The following TOP3B variants were observed in gnomAD, a reference collection of about 807,000 sequenced individuals.
TOP3B encodes DNA topoisomerase III beta, also known as DNA topoisomerase 3-beta-1.
A neutral mutation model predicts 93.9 loss-of-function variants in TOP3B; 45 were observed. That is an observed-to-expected ratio of 0.48 (90% CI 0.38 to 0.61). The LOEUF (loss-of-function observed/expected upper bound fraction) is 0.61, where lower values mean the gene tolerates loss of function less well. Among genes scored for constraint, TOP3B ranks in the 20% least tolerant of loss-of-function variants. The probability of loss-of-function intolerance (pLI) is 0.00; values close to 1 mark genes in which losing one functional copy is unlikely to be tolerated. For synonymous variants in TOP3B, 357 were observed against 472.6 expected (o/e 0.76, Z 3.17); for missense variants, 750 against 1,156.1 (o/e 0.65, Z 5.09).
rs540378690 is a variant in TOP3B at position 21,980,084 on chromosome 22, C to T, written c.-99+2646G>A. Among the ~76,000 whole-genome samples the T allele has an allele frequency of 7.2e-5, 11 of 152,042 alleles. No individual in the cohort carries two copies. In the South Asian group the frequency reaches 1.2e-3, roughly 17 times the overall value. On this transcript the variant is annotated intron_variant, in intron 1 of 17. Transcript: ENST00000357179. ...CATGCTAAGAAAGCTGGGCATGTAA[C>T]GGTGTGTAGAGAGCACTGCCATCTG...
chr22:21,958,224 C>G, intron 17 of TOP3B: 3 of 1,334,548 alleles, frequency 2.2e-6, no homozygotes, highest in Non-Finnish European at 2.9e-6. Flanking sequence ...GCTCACTCAG[C>G]TCCAGAGGGA....
In TOP3B at chr22:21,959,161, T is replaced by A; in HGVS notation, c.1876A>T (p.Lys626Ter). Residue 626 changes from lysine to a stop codon, truncating the protein, a stop_gained, in exon 16 of 18, where the codon AAG becomes TAG. Coordinates refer to ENST00000357179, the MANE Select transcript of TOP3B (RefSeq NM_001282112.2). LOFTEE classifies it high-confidence loss of function. ...ATGKPLSRCG[K>*]CHRFMKYIQA... Reference sequence around the variant, plus strand: ...ATGTACTTCATGAAGCGGTGGCACTTCCCACAGCGTGAGAGGGGCTTGCCT... The same window carrying A: ...ATGTACTTCATGAAGCGGTGGCACTACCCACAGCGTGAGAGGGGCTTGCCT... 2 of 1,613,840 alleles carry A rather than the reference T, an allele frequency of 1.2e-6. No individual in the cohort carries two copies. Among genetic ancestry groups the A allele is most frequent in the Non-Finnish European group, 1.7e-6 (2 of 1,179,988 alleles).
intron 1 of TOP3B, among the ~76,000 whole-genome samples, chr22:21,978,059 G>A (rs909058760): frequency 6.6e-6 from 1 of 152,022 alleles, no homozygotes; most frequent in African/African-American, 2.4e-5. Context: ...GTAGAATGTG[G>A]GTCTGCTCTA....
chr22:21,957,949 C>T, intron 17 of TOP3B: 10 of 1,401,606 alleles, frequency 7.1e-6, no homozygotes, highest in Non-Finnish European at 9.4e-6. Flanking sequence ...CTGGCGGCAG[C>T]AGGAGGGCAG....
chr22:21,963,258 A>C lies in TOP3B; in HGVS notation c.1205-365T>G, dbSNP rs1601823005. 4.9e-6 allele frequency: 1 copy of C among 203,908 alleles called. No homozygotes were observed. Among genetic ancestry groups the C allele is most frequent in the Non-Finnish European group, 1.0e-5 (1 of 98,220 alleles). 12.6% of individuals were successfully genotyped at this position (203,908 alleles called of 1,614,324 possible). A position where few individuals can be genotyped will look rare whatever the true frequency, so the allele number is the denominator to read the frequency against. ...GGCTGAGGCAGGGTGAACTGCTTGA[A>C]CCTGGGAGGCAGAGGTTGCAGTGAG... On this transcript the variant is annotated intron_variant, in intron 11 of 17. Coordinates refer to ENST00000357179, the MANE Select transcript of TOP3B (RefSeq NM_001282112.2). This position sits in a 1 kb window ranked among gnomAD's most constrained non-coding sequence, Gnocchi z 4.8.
At chr22:21,974,793 A>G in intron 2 of TOP3B, 1 of 215,006 alleles carries the variant, frequency 4.7e-6, no homozygotes, top group Non-Finnish European at 9.3e-6. Flanking sequence ...CTTCAATTCC[A>G]TTTTTGCCTC....
rs1036421141 is a variant in TOP3B at position 21,959,630 on chromosome 22, G to A, written c.1761C>T (p.Asp587=). 1.9e-5 allele frequency: 30 copies of A among 1,613,622 alleles called. No homozygotes were observed. Among genetic ancestry groups the A allele is most frequent in the African/African-American group, 4.0e-5 (3 of 74,926 alleles). Residue 587 remains aspartate (D), a synonymous_variant, in exon 15 of 18, where the codon GAC becomes GAT. Coordinates refer to ENST00000357179, the MANE Select transcript of TOP3B (RefSeq NM_001282112.2). ...DYRQVLGHTL[D]VFKRKFHYFV... is the part of the protein sequence containing the mutation. Reference sequence around the variant, plus strand: ...AGTAGTGGAACTTCCTCTTGAACACGTCCAGGGTGTGGCCCAGGACCTGGC... The same window carrying A: ...AGTAGTGGAACTTCCTCTTGAACACATCCAGGGTGTGGCCCAGGACCTGGC...
At chr22:21,974,675 A>G in intron 2 of TOP3B, 187 bp from the exon 3 acceptor site, 2 of 597,344 alleles carry the variant, frequency 3.3e-6, no homozygotes, top group Non-Finnish European at 5.8e-6. Flanking sequence ...CAGGGAAAAC[A>G]GCATCTGCCA....
chr22:21,965,719 T>C (rs2071389463), intron 8 of TOP3B: 1 of 161,506 alleles, frequency 6.2e-6, no homozygotes, highest in African/African-American at 2.4e-5. Context: ...ATACAAACAT[T>C]AGCTGGGCAT....
In TOP3B at chr22:21,968,878, G is replaced by GTGGCATCAGGTGGTGT. The variant is rs200497883; in HGVS notation, c.582-119_582-104dup. 2,077 of 1,290,660 alleles carry GTGGCATCAGGTGGTGT rather than the reference G, an allele frequency of 1.6e-3. 34 individuals are homozygous for GTGGCATCAGGTGGTGT. In the African/African-American group the frequency reaches 0.026, roughly 16 times the overall value. The allele number at this position is 1,290,660 out of a possible 1,614,324, so 80.0% of individuals were successfully genotyped here. On this transcript the variant is annotated intron_variant, in intron 6 of 17. Transcript: ENST00000357179. ...AGGCCAGGGGTGGTGCATGAAGGAGGTGGCATCAGGTGGTGTCCCCACTTA... is the reference window on the plus strand; with the variant it reads ...AGGCCAGGGGTGGTGCATGAAGGAGGTGGCATCAGGTGGTGTTGGCATCAGGTGGTGTCCCCACTTA...
chr22:21,958,320 T>C, intron 17 of TOP3B, 172 bp downstream of exon 17: 1 of 1,454,236 alleles, frequency 6.9e-7, no homozygotes, highest in Non-Finnish European at 9.1e-7. Flanking sequence ...CACCACTGGC[T>C]GAGGCCTAAG....
chr22:21,982,277 T>A (rs557075273), intron 1 of TOP3B: 2 of 152,336 alleles, frequency 1.3e-5, no homozygotes, highest in Admixed American at 1.3e-4. Context: ...CATTTACAGA[T>A]AACAGGTCAG....
intron 1 of TOP3B, among the ~76,000 whole-genome samples, chr22:21,979,118 TTTAG>T (rs1411861089): frequency 1.3e-5 from 2 of 151,182 alleles, no homozygotes; most frequent in Non-Finnish European, 3.0e-5. Context: ...AAGCACTGGA[TTTAG>T]TTAGATGGGA....
At chr22:21,976,729 G>C (rs1005555546) in intron 1 of TOP3B, 1 of 152,190 alleles carries the variant, frequency 6.6e-6, no homozygotes, top group Non-Finnish European at 1.5e-5. Context: ...ACAGCTTTCT[G>C]TGCCTGACAC....
At chr22:21,959,916 A>G in intron 14 of TOP3B, 180 bp from the exon 15 acceptor site, 2 of 810,764 alleles carry the variant, frequency 2.5e-6, no homozygotes, top group Non-Finnish European at 3.8e-6. Flanking sequence ...ATGACCCCAG[A>G]CCTTTCCTGA....
chr22:21,971,993 G>A lies in TOP3B; in HGVS notation c.310-42C>T, dbSNP rs747846084. 7.6e-6 allele frequency: 12 copies of A among 1,571,134 alleles called. No homozygotes were observed. The highest frequency in any genetic ancestry group is 5.7e-5 in the South Asian group (5 of 87,612). ...GTTCACACGTACCTGCTGCAGACCCGGTCTGTGCCACCCGCCCCCAGTGCT... is the reference window on the plus strand; with the variant it reads ...GTTCACACGTACCTGCTGCAGACCCAGTCTGTGCCACCCGCCCCCAGTGCT... On this transcript the variant is annotated intron_variant, in intron 4 of 17. Coordinates refer to ENST00000357179, the MANE Select transcript of TOP3B (RefSeq NM_001282112.2). The surrounding 1 kb of genome is among the most constrained non-coding windows in gnomAD (Gnocchi z 4.6).
At chr22:21,975,940 A>G (rs1257932599) in intron 1 of TOP3B, 133 bp from the exon 2 acceptor site, 1 of 490,698 alleles carries the variant, frequency 2.0e-6, no homozygotes, top group Non-Finnish European at 3.1e-6. Context: ...GGAATTAGGG[A>G]AACTTGAAGA....
rs751862936 is a variant in TOP3B, at chr22:21,965,280, C to T, written c.943+5G>A. The T allele has an allele frequency of 2.5e-6, 4 of 1,589,614 alleles. No homozygotes were observed. Among genetic ancestry groups the T allele is most frequent in the African/African-American group, 2.7e-5 (2 of 73,812 alleles). ...TGGTGACTTGAGAGAAATGTCCCTA[C>T]ATACCCAGAGAAGAGCTGGCCACAC... is the stretch of plus-strand genomic sequence containing the variant. On this transcript the variant is annotated splice_donor_5th_base_variant and intron_variant, in intron 9 of 17. Transcript: ENST00000357179.
In TOP3B at chr22:21,974,379, G is replaced by A. The variant is rs114880937; in HGVS notation, c.180C>T (p.His60=). Residue 60 remains histidine (H), a synonymous_variant, in exon 3 of 18, where the codon CAC becomes CAT. Coordinates refer to ENST00000357179, the MANE Select transcript of TOP3B (RefSeq NM_001282112.2). ...VRFKMTSVCG[H]VMTLDFLGKY... The stretch of plus-strand genomic sequence containing the variant: ...TACCCAGGAAATCCAGGGTCATCAC[G>A]TGACCACAGACAGACGTCATCTTGA... 367 of 1,614,130 alleles carry A rather than the reference G, an allele frequency of 2.3e-4. 1 individual carries two copies. The African/African-American group carries it at 3.0e-3, about 13-fold the overall frequency.
Sources: gnomAD v4.1 joint callset for allele counts (sites outside exome capture counted in the v4.1 genomes callset) on GRCh38, gnomAD v4.1.1 for gene constraint, Gnocchi (gnomAD v3.1) non-coding constraint, MANE v1.5 for transcripts, NCBI Gene and HGNC (gene_info 2026-07-23, HGNC 2026-07-21) for gene names.